AGBL1: variants seen among roughly 807,000 people sequenced by gnomAD.
AGBL1 encodes the protein AGBL carboxypeptidase 1, also known as cytosolic carboxypeptidase 4.
A neutral mutation model predicts 118.9 loss-of-function variants in AGBL1; 130 were observed. That is an observed-to-expected ratio of 1.09 (90% CI 0.95 to 1.26). The LOEUF is 1.26. Ranked by LOEUF, AGBL1 falls within the 50% of genes most tolerant of loss-of-function variation. The pLI is 0.00. For synonymous variants in AGBL1, 555 were observed against 478.9 expected (o/e 1.16, Z -2.08); for missense variants, 1,584 against 1,298.1 (o/e 1.22, Z -3.38).
At chr15:86,631,885 A>C (rs1489073010) in intron 21 of AGBL1, among the ~76,000 whole-genome samples, 1 of 152,096 alleles carries the variant, frequency 6.6e-6, no homozygotes, top group Non-Finnish European at 1.5e-5. Context: ...GCTTCGTACT[A>C]GTTTTAAAAG....
At chr15:86,410,901 TATATATAATATATGTTATATAATATA>T (rs1449975392) in intron 18 of AGBL1, among the ~76,000 whole-genome samples, 1 of 117,756 alleles carries the variant, frequency 8.5e-6, no homozygotes, top group Non-Finnish European at 1.7e-5. Flanking sequence ...TATATAATAT[TATATATAATATATGTTATATAATATA>T]TATAACATAT....
chr15:86,173,525 C>A (rs1220202438), intron 5 of AGBL1, among the ~76,000 whole-genome samples: 1 of 151,962 alleles, frequency 6.6e-6, no homozygotes, highest in East Asian at 1.9e-4. Context: ...ACCAGACCAA[C>A]CTTCTGAAGA....
At chr15:86,700,717 T>C (rs1044512780) in intron 22 of AGBL1, among the ~76,000 whole-genome samples, 2 of 152,160 alleles carry the variant, frequency 1.3e-5, no homozygotes, top group African/African-American at 4.8e-5. Context: ...TGTTTTATTC[T>C]GTGCCTCAAG....
chr15:86,222,232 G>T (rs996550078), intron 5 of AGBL1, among the ~76,000 whole-genome samples: 1 of 152,150 alleles, frequency 6.6e-6, no homozygotes, highest in South Asian at 2.1e-4. Flanking sequence ...TTGCGTTCCT[G>T]AATTCTGTAT....
In AGBL1 at chr15:86,932,328, A is replaced by G. The variant is rs201480394; in HGVS notation, c.3222-55659A>G. 4.6e-5 allele frequency among the ~76,000 whole-genome samples: 7 copies of G among 152,348 alleles called. No homozygotes were observed. In the East Asian group the frequency reaches 1.3e-3, roughly 29 times the overall value. On this transcript the variant is annotated intron_variant, in intron 23 of 24. Coordinates refer to the AGBL1 transcript ENST00000441037. ...TGACCATTAACTTTAGGCTCTGTCAACACATTTAAAAGTGGAGAAGGGGTG... is the reference window on the plus strand; with the variant it reads ...TGACCATTAACTTTAGGCTCTGTCAGCACATTTAAAAGTGGAGAAGGGGTG...
chr15:86,722,062 G>A (rs1333322178), intron 22 of AGBL1, among the ~76,000 whole-genome samples: 7 of 152,096 alleles, frequency 4.6e-5, no homozygotes, highest in East Asian at 1.9e-4. Context: ...AATCAATATC[G>A]TGAAAATGGC....
At chr15:86,338,467 C>T (rs117604161) in intron 17 of AGBL1, among the ~76,000 whole-genome samples, 9 of 151,810 alleles carry the variant, frequency 5.9e-5, no homozygotes, top group East Asian at 3.9e-4. Context: ...AAGAGTGATA[C>T]GTTATGTTTT....
chr15:86,330,236 A>G (rs1044176939), intron 17 of AGBL1, among the ~76,000 whole-genome samples: 6 of 152,200 alleles, frequency 3.9e-5, no homozygotes, highest in African/African-American at 1.2e-4. Context: ...GATCAAGTAT[A>G]TACCCAGCTG....
chr15:87,012,327 C>A (rs1034475025), intron 24 of AGBL1, among the ~76,000 whole-genome samples: 4 of 147,864 alleles, frequency 2.7e-5, no homozygotes, highest in African/African-American at 1.1e-4. Flanking sequence ...TTTCTCATTT[C>A]CATATTTTTG....
Position 86,916,082 on chromosome 15 carries a change from T to A in AGBL1, c.*8788T>A, listed in dbSNP as rs2080419272. The A allele has an allele frequency of 6.6e-6, 1 of 152,216 alleles. No homozygotes were observed. Among genetic ancestry groups the A allele is most frequent in the Admixed American group, 6.5e-5 (1 of 15,286 alleles). The allele number at this position is 152,216 out of a possible 1,614,324, so 9.4% of individuals were successfully genotyped here. On this transcript the variant is annotated 3_prime_UTR_variant, in exon 23 of 23. Coordinates refer to ENST00000614907, the MANE Select transcript of AGBL1 (RefSeq NM_001386094.1). The stretch of plus-strand genomic sequence containing the variant: ...TAGCATTCACCCCGGGTGTCTATAA[T>A]TAAGCAAGCCTAAGCTGGGCACATA...
intron 6 of AGBL1, among the ~76,000 whole-genome samples, chr15:86,242,635 T>C (rs1256631006): frequency 2.0e-5 from 3 of 152,234 alleles, no homozygotes; most frequent in African/African-American, 7.2e-5. Flanking sequence ...GCATGTCTCA[T>C]TTCTGGAGCT....
chr15:86,604,532 C>A (rs2084543941), intron 21 of AGBL1, among the ~76,000 whole-genome samples: 1 of 152,182 alleles, frequency 6.6e-6, no homozygotes, highest in Admixed American at 6.5e-5. Context: ...AGTGGCTGAA[C>A]TAGCTTGTGG....
intron 23 of AGBL1, among the ~76,000 whole-genome samples, chr15:86,925,143 AGAGGAGGAGGAGGAGGAGGAG>A (rs1176964792): frequency 0.06 from 4,822 of 80,474 alleles, 390 homozygotes; most frequent in African/African-American, 0.16. Context: ...AGGAAGAGGA[AGAGGAGGAGGAGGAGGAGGAG>A]GAGGAAGAGG....
rs142608279 is a variant in AGBL1 at position 86,104,593 on chromosome 15, G to A, written c.51+24570G>A. On this transcript the variant is annotated intron_variant, in intron 1 of 22. Transcript: ENST00000614907. ...TGAAAACGCACAGAGGTCCTACTGG[G>A]AGTGGCAGGCTTGTTGCCAATGGCT... Among the ~76,000 whole-genome samples the A allele has an allele frequency of 3.4e-4, 52 of 152,244 alleles. No individual in the cohort carries two copies. In the East Asian group the frequency reaches 9.1e-3, roughly 27 times the overall value.
At chr15:86,222,133 T>C (rs1340733955) in intron 5 of AGBL1, among the ~76,000 whole-genome samples, 10 of 152,146 alleles carry the variant, frequency 6.6e-5, no homozygotes, top group African/African-American at 1.9e-4. Flanking sequence ...CTGCTCTTGA[T>C]TGAATTTCCT....
At chr15:86,620,376 A>T (rs2084786503) in intron 21 of AGBL1, among the ~76,000 whole-genome samples, 2 of 152,150 alleles carry the variant, frequency 1.3e-5, no homozygotes, top group Admixed American at 1.3e-4. Flanking sequence ...GAGAAGCAAT[A>T]AACTTCACGC....
chr15:86,129,046 C>A (rs542114775), intron 1 of AGBL1, among the ~76,000 whole-genome samples: 18 of 152,226 alleles, frequency 1.2e-4, no homozygotes, highest in African/African-American at 2.9e-4. Context: ...TAGTCTTTAT[C>A]GCCTGGAATG....
At chr15:86,442,335 G>T (rs2082074015) in intron 18 of AGBL1, among the ~76,000 whole-genome samples, 1 of 152,134 alleles carries the variant, frequency 6.6e-6, no homozygotes, top group Admixed American at 6.5e-5. Context: ...AGACAGAGCT[G>T]GTTTCAGGTT....
chr15:86,159,271 AAT>A (rs2077234224), intron 5 of AGBL1, among the ~76,000 whole-genome samples: 1 of 152,144 alleles, frequency 6.6e-6, no homozygotes, highest in South Asian at 2.1e-4. Context: ...AGCAAGTTAA[AAT>A]ATGTCGAGAG....
Sources: allele counts gnomAD v4.1 joint callset (sites outside exome capture counted in the v4.1 genomes callset), GRCh38; gene constraint gnomAD v4.1.1; transcripts MANE v1.5; gene names NCBI Gene and HGNC (gene_info 2026-07-23, HGNC 2026-07-21).